The following PHACTR1 variants were observed in gnomAD, a reference collection of about 807,000 sequenced individuals.
PHACTR1 encodes the protein RPEL repeat containing 1.
In PHACTR1, 16 loss-of-function variants were observed where a neutral mutation model predicts 69.2. That is an observed-to-expected ratio of 0.23 (90% CI 0.16 to 0.35). The LOEUF is 0.35. Among genes scored for constraint, PHACTR1 ranks in the 10% least tolerant of loss-of-function variants. PHACTR1 has a pLI of 1.00. For missense variants in PHACTR1, 510 were observed against 734.7 expected (o/e 0.69, Z 3.54); for synonymous variants, 312 against 284.5 (o/e 1.10, Z -0.97).
At chr6:13,267,589 G>C (rs1280512916) in intron 10 of PHACTR1, 2 of 151,400 alleles carry the variant, frequency 1.3e-5, no homozygotes, top group African/African-American at 4.9e-5. Flanking sequence ...TTGTTGTTTT[G>C]AGGATATTTT....
intron 4 of PHACTR1, among the ~76,000 whole-genome samples, chr6:13,035,436 T>A (rs1267881194): frequency 1.3e-5 from 2 of 151,888 alleles, no homozygotes; most frequent in African/African-American, 2.4e-5. Flanking sequence ...GATTTTTTTT[T>A]AAACCTAACA....
intron 4 of PHACTR1, among the ~76,000 whole-genome samples, chr6:12,853,637 C>A (rs1780043831): frequency 6.6e-6 from 1 of 152,196 alleles, no homozygotes; most frequent in African/African-American, 2.4e-5. Flanking sequence ...AGGAAACTTA[C>A]AATCATGGTG....
chr6:12,931,022 A>C (rs902603195), intron 4 of PHACTR1, among the ~76,000 whole-genome samples: 3 of 151,942 alleles, frequency 2.0e-5, no homozygotes, highest in Middle Eastern at 3.4e-3. Context: ...AAAAAAAAAA[A>C]AAAAGAAGGT....
At chr6:13,037,211 T>C (rs191479031) in intron 4 of PHACTR1, among the ~76,000 whole-genome samples, 89 of 152,240 alleles carry the variant, frequency 5.8e-4, no homozygotes, top group Admixed American at 9.2e-4. Context: ...CCTGACACCA[T>C]AGTGATCAGA....
chr6:13,086,083 T>TAAAAAAAAAAAAAAAAAAAAAAAAC (rs776154642), intron 5 of PHACTR1, among the ~76,000 whole-genome samples: 1 of 60,268 alleles, frequency 1.7e-5, no homozygotes. Context: ...TACACATTTC[T>TAAAAAAAAAAAAAAAAAAAAAAAAC]AAAAAAAAAA....
At chr6:12,776,668 T>C (rs549078731) in intron 4 of PHACTR1, among the ~76,000 whole-genome samples, 1 of 152,344 alleles carries the variant, frequency 6.6e-6, no homozygotes, top group Admixed American at 6.5e-5. Context: ...GCAGAATGGA[T>C]GTATTATTTT....
chr6:12,890,062 G>A (rs1469589580), intron 4 of PHACTR1, among the ~76,000 whole-genome samples: 1 of 152,066 alleles, frequency 6.6e-6, no homozygotes, highest in East Asian at 1.9e-4. Flanking sequence ...AGATGAGCGA[G>A]GGCTAGTGAG....
chr6:12,741,271 T>G (rs1172264143), intron 3 of PHACTR1, among the ~76,000 whole-genome samples: 1 of 152,056 alleles, frequency 6.6e-6, no homozygotes, highest in East Asian at 1.9e-4. Context: ...GATTAGTGAT[T>G]TTTACGCCCT....
chr6:12,772,341 A>C (rs1769494762), intron 4 of PHACTR1, among the ~76,000 whole-genome samples: 1 of 152,194 alleles, frequency 6.6e-6, no homozygotes, highest in South Asian at 2.1e-4. Context: ...TGTGTGCACC[A>C]ATTCCAAATG....
chr6:13,054,384 T>C (rs1806456008), intron 5 of PHACTR1, among the ~76,000 whole-genome samples: 1 of 152,216 alleles, frequency 6.6e-6, no homozygotes. Context: ...GGAAGAGCTA[T>C]ACAGATTCCC....
Position 12,784,327 on chromosome 6 carries a change from CATG to C in PHACTR1, c.250+34542_250+34544del, listed in dbSNP as rs534211941. Among the ~76,000 whole-genome samples the C allele has an allele frequency of 3.9e-3, 593 of 151,540 alleles. 2 individuals are homozygous for C. The highest frequency in any genetic ancestry group is 0.014 in the African/African-American group (572 of 41,288). ...ACATATATATCTATACACACATATACATGATGACATATACATATACACATACAT... is the reference window on the plus strand; with the variant it reads ...ACATATATATCTATACACACATATACATGACATATACATATACACATACAT... On this transcript the variant is annotated intron_variant, in intron 4 of 14. Transcript: ENST00000332995.
chr6:13,146,192 A>G (rs778879324), intron 5 of PHACTR1, among the ~76,000 whole-genome samples: 1 of 152,224 alleles, frequency 6.6e-6, no homozygotes, highest in Non-Finnish European at 1.5e-5. Context: ...AAGACTTACT[A>G]CATAAAGTAC....
intron 5 of PHACTR1, among the ~76,000 whole-genome samples, chr6:13,116,931 A>G (rs1021040025): frequency 1.3e-5 from 2 of 152,234 alleles, no homozygotes; most frequent in African/African-American, 4.8e-5. Flanking sequence ...AAGGCTTGAT[A>G]TGTAGACATG....
chr6:12,825,317 A>T (rs571495391), intron 4 of PHACTR1, among the ~76,000 whole-genome samples: 1,179 of 115,434 alleles, frequency 0.01, 15 homozygotes, highest in African/African-American at 0.038. Flanking sequence ...TCTCTCTCTC[A>T]AAAAAAAAAA....
At chr6:13,260,189 A>T (rs143435863) in intron 10 of PHACTR1, among the ~76,000 whole-genome samples, 190 of 152,360 alleles carry the variant, frequency 1.2e-3, no homozygotes, top group African/African-American at 4.3e-3. Flanking sequence ...TTCATCGTCC[A>T]ACTGAGAAGA....
At chr6:12,784,477 CACATAT>C (rs1771260112) in intron 4 of PHACTR1, among the ~76,000 whole-genome samples, 1 of 151,052 alleles carries the variant, frequency 6.6e-6, no homozygotes, top group Admixed American at 6.6e-5. Flanking sequence ...CATGTCTATA[CACATAT>C]ACATATACAC....
chr6:13,030,720 T>C (rs1802341497), intron 4 of PHACTR1, among the ~76,000 whole-genome samples: 1 of 152,226 alleles, frequency 6.6e-6, no homozygotes, highest in South Asian at 2.1e-4. Context: ...GAATAGTTTC[T>C]GTTCTACACC....
At chr6:13,064,066 T>G (rs528711354) in intron 5 of PHACTR1, among the ~76,000 whole-genome samples, 2 of 152,278 alleles carry the variant, frequency 1.3e-5, no homozygotes, top group Admixed American at 6.5e-5. Context: ...GAGAGAAAAT[T>G]TACTTGTGAT....
intron 4 of PHACTR1, among the ~76,000 whole-genome samples, chr6:12,773,966 T>A (rs1340412599): frequency 2.0e-5 from 3 of 152,184 alleles, no homozygotes. Flanking sequence ...AACAACAGTT[T>A]CCTCTTAGGA....
Sources: allele counts gnomAD v4.1 joint callset (sites outside exome capture counted in the v4.1 genomes callset), GRCh38; gene constraint gnomAD v4.1.1; transcripts MANE v1.5; gene names NCBI Gene and HGNC (gene_info 2026-07-23, HGNC 2026-07-21).